LAMA1: variants seen among roughly 807,000 people sequenced by gnomAD.
LAMA1 encodes the protein laminin subunit alpha 1.
Under a neutral mutation model 348.7 loss-of-function variants are expected in LAMA1, and 219 were observed. The observed-to-expected ratio is 0.63, with a 90% CI of 0.56 to 0.70. The LOEUF is 0.70. LAMA1 is among the 30% of genes least tolerant of loss of function. LAMA1 has a pLI of 0.00. For missense variants in LAMA1, 3,744 were observed against 3,888.0 expected, an observed-to-expected ratio of 0.96 and a Z score of 0.99; for synonymous variants, 1,487 against 1,491.0, an observed-to-expected ratio of 1.00 and a Z score of 0.06.
At chr18:7,024,977 C>A (rs2057935864) in intron 17 of LAMA1, among the ~76,000 whole-genome samples, 1 of 152,234 alleles carries the variant, frequency 6.6e-6, no homozygotes, top group South Asian at 2.1e-4. Flanking sequence ...CCCCTTCCAA[C>A]CCTATTCCTA....
At chr18:7,099,027 G>C (rs1372013467) in intron 1 of LAMA1, among the ~76,000 whole-genome samples, 134 of 152,032 alleles carry the variant, frequency 8.8e-4, no homozygotes, top group Middle Eastern at 3.4e-3. Flanking sequence ...GAATAGAAAG[G>C]GGGGAAAGGC....
chr18:7,104,929 G>T (rs2058306036), intron 1 of LAMA1, among the ~76,000 whole-genome samples: 1 of 152,196 alleles, frequency 6.6e-6, no homozygotes, highest in Non-Finnish European at 1.5e-5. Flanking sequence ...CTCCCCAAGT[G>T]CCTGTAGCAG....
intron 1 of LAMA1, among the ~76,000 whole-genome samples, chr18:7,108,945 G>A: frequency 6.6e-6 from 1 of 152,028 alleles, no homozygotes; most frequent in East Asian, 1.9e-4. Context: ...ACAGCAGCAA[G>A]GACAGAAAGC....
intron 29 of LAMA1, among the ~76,000 whole-genome samples, chr18:7,003,017 A>T (rs1031131410): frequency 6.6e-6 from 1 of 151,664 alleles, no homozygotes; most frequent in African/African-American, 2.4e-5. Flanking sequence ...AGTAGCTGGG[A>T]CCAGAGGCAC....
chr18:7,062,384 C>T (rs527649749), intron 3 of LAMA1, among the ~76,000 whole-genome samples: 1 of 152,302 alleles, frequency 6.6e-6, no homozygotes, highest in East Asian at 1.9e-4. Flanking sequence ...GGGCAGAGCA[C>T]AGAGGAAGGA....
chr18:6,967,266 T>C (rs2057637461), intron 48 of LAMA1, among the ~76,000 whole-genome samples: 2 of 152,252 alleles, frequency 1.3e-5, no homozygotes, highest in African/African-American at 4.8e-5. Context: ...TGTGGTCTCT[T>C]TGAGGAATTA....
Position 7,048,726 on chromosome 18 carries a change from A to G in LAMA1, c.768+352T>C, listed in dbSNP as rs190309897. 1.9e-3 allele frequency among the ~76,000 whole-genome samples: 295 copies of G among 152,328 alleles called. 2 individuals are homozygous for G. Among genetic ancestry groups the G allele is most frequent in the African/African-American group, 6.7e-3 (278 of 41,586 alleles). On this transcript the variant is annotated intron_variant, in intron 5 of 62. Transcript: ENST00000389658. ...AATCTGTATGCTTTCCTGAATGTAA[A>G]TTATGTCTCAAACTTTAAAATTTGA... is the stretch of plus-strand genomic sequence containing the variant.
intron 48 of LAMA1, among the ~76,000 whole-genome samples, chr18:6,970,935 G>A (rs747042259): frequency 2.0e-5 from 3 of 152,138 alleles, no homozygotes; most frequent in Non-Finnish European, 2.9e-5. Flanking sequence ...TTAAACAAGC[G>A]AAGGAAGGGG....
intron 50 of LAMA1, 152 bp downstream of exon 50, chr18:6,965,136 G>T: frequency 1.0e-6 from 1 of 991,264 alleles, no homozygotes; most frequent in Non-Finnish European, 1.6e-6. Flanking sequence ...TGTGAATCCT[G>T]TTGGTTAGTA....
chr18:6,980,680 A>C, intron 41 of LAMA1, 43 bp from the exon 42 acceptor site: 1 of 1,273,048 alleles, frequency 7.9e-7, no homozygotes, highest in African/African-American at 1.5e-5. Flanking sequence ...GTTAGCCTAC[A>C]AAAAAGTTGC....
intron 36 of LAMA1, 84 bp from the exon 37 acceptor site, chr18:6,986,431 G>C: frequency 3.3e-6 from 4 of 1,210,938 alleles, no homozygotes; most frequent in South Asian, 1.2e-5. Flanking sequence ...AAATTTTTAC[G>C]TATTTATGCC....
chr18:7,053,091 A>G (rs138656227), intron 3 of LAMA1, among the ~76,000 whole-genome samples: 1 of 152,350 alleles, frequency 6.6e-6, no homozygotes, highest in East Asian at 1.9e-4. Flanking sequence ...TGAAAAGGCT[A>G]CATACTATAT....
intron 7 of LAMA1, among the ~76,000 whole-genome samples, chr18:7,044,187 C>T (rs1042774864): frequency 6.5e-5 from 9 of 138,054 alleles, no homozygotes; most frequent in South Asian, 2.2e-4. Flanking sequence ...AAAAAAAAAG[C>T]GATATGTACA....
chr18:7,047,133 CTCCTGGGT>C (rs1362487546), intron 5 of LAMA1, among the ~76,000 whole-genome samples: 2 of 151,790 alleles, frequency 1.3e-5, no homozygotes, highest in Non-Finnish European at 2.9e-5. Context: ...CAACCTCTAC[CTCCTGGGT>C]TCAAGCTATT....
At position 7,108,630 on chromosome 18, in the gene LAMA1, G is replaced by C. The variant is rs149611985; in HGVS notation, c.61+9030C>G. 4.6e-3 allele frequency among the ~76,000 whole-genome samples: 348 copies of C among 75,930 alleles called. 4 individuals are homozygous for C. The highest frequency in any genetic ancestry group is 0.02 in the African/African-American group (330 of 16,550). The allele number at this position is 75,930 out of a possible 152,430, so 49.8% of individuals were successfully genotyped here. On this transcript the variant is annotated intron_variant, in intron 1 of 62. Transcript: ENST00000389658. ...GAGACCATGCCACTGCACTGAGACA[G>C]ACTCTGTCTCAAAAAAAAAAAAAAA...
chr18:6,993,708 A>T lies in LAMA1; in HGVS notation c.4941T>A (p.Thr1647=). ...LASTQKVNRA[T]ERIFKESQDL... Reference sequence around the variant, plus strand: ...CTTGACTCTCCTTGAAGATTCTCTCAGTTGCCCTATTCACCTTTTGGGTAC... The same window carrying T: ...CTTGACTCTCCTTGAAGATTCTCTCTGTTGCCCTATTCACCTTTTGGGTAC... The change falls in exon 35 of 63, where the codon ACT becomes ACA. Residue 1647 remains threonine, a synonymous_variant. Transcript: ENST00000389658. 1 of 1,614,102 alleles carries T rather than the reference A, an allele frequency of 6.2e-7. No individual in the cohort carries two copies. Among genetic ancestry groups the T allele is most frequent in the South Asian group, 1.1e-5 (1 of 91,076 alleles).
chr18:7,007,293 G>C lies in LAMA1; in HGVS notation c.4123-17C>G. The stretch of plus-strand genomic sequence containing the variant: ...GGCGCAGTCCTGAGGGGGTGCAAAA[G>C]GGAGGACAAAAAAGTCTGATTAATG... On this transcript the variant is annotated splice_polypyrimidine_tract_variant and intron_variant, in intron 28 of 62. Coordinates refer to ENST00000389658, the MANE Select transcript of LAMA1 (RefSeq NM_005559.4). 1 of 1,610,198 alleles carries C rather than the reference G, an allele frequency of 6.2e-7. No homozygotes were observed. Among genetic ancestry groups the C allele is most frequent in the Non-Finnish European group, 8.5e-7 (1 of 1,177,942 alleles).
chr18:7,007,913 TTTTA>T lies in LAMA1; in HGVS notation c.4122+571_4122+574del, dbSNP rs58519890. ...AAAGACAAGTTCTGTATTACTCCAC[TTTTA>T]TTTATTTATTTATTTATTTATTTAT... On this transcript the variant is annotated intron_variant, in intron 28 of 62. Coordinates refer to ENST00000389658, the MANE Select transcript of LAMA1 (RefSeq NM_005559.4). 4.6e-3 allele frequency among the ~76,000 whole-genome samples: 631 copies of T among 136,818 alleles called. 27 individuals carry two copies. In the East Asian group the frequency reaches 0.095, roughly 21 times the overall value. 89.8% of individuals were successfully genotyped at this position (136,818 alleles called of 152,430 possible). A position where few individuals can be genotyped will look rare whatever the true frequency, so the allele number is the denominator to read the frequency against.
chr18:6,968,603 G>A (rs74989443), intron 48 of LAMA1, among the ~76,000 whole-genome samples: 3 of 152,308 alleles, frequency 2.0e-5, no homozygotes, highest in East Asian at 1.9e-4. Flanking sequence ...ATGTCCACTC[G>A]TAAATAATAC....
Sources: allele counts gnomAD v4.1 joint callset (sites outside exome capture counted in the v4.1 genomes callset), GRCh38; gene constraint gnomAD v4.1.1; transcripts MANE v1.5; gene names NCBI Gene and HGNC (gene_info 2026-07-23, HGNC 2026-07-21).